SYNE2: variants seen among roughly 807,000 people sequenced by gnomAD.
SYNE2 encodes spectrin repeat containing nuclear envelope protein 2, also known as nesprin-2.
In SYNE2, 431 loss-of-function variants were observed where a neutral mutation model predicts 856.3. That is an observed-to-expected ratio of 0.50 (90% CI 0.47 to 0.55). SYNE2 has a LOEUF of 0.55. Ranked by LOEUF, SYNE2 falls within the 20% of genes least tolerant of loss-of-function variation. The pLI is 0.00. For synonymous variants in SYNE2, 2,923 were observed against 2,872.3 expected, an observed-to-expected ratio of 1.02 and a Z score of -0.56; for missense variants, 8,129 against 8,023.2, an observed-to-expected ratio of 1.01 and a Z score of -0.50.
rs971473774 is a variant in SYNE2 at position 64,186,558 on chromosome 14, A to G, written c.17691A>G (p.Gln5897=). 7.4e-6 allele frequency: 12 copies of G among 1,614,190 alleles called. No homozygotes were observed. The highest frequency in any genetic ancestry group is 3.3e-5 in the Admixed American group (2 of 60,028). ...AGCAAATAGAGCATTTGCACAGACAATGGGAGGACCTCTGCTTAAGGGTAA... is the reference window on the plus strand; with the variant it reads ...AGCAAATAGAGCATTTGCACAGACAGTGGGAGGACCTCTGCTTAAGGGTAA... The part of the protein sequence containing the change: ...LKEQIEHLHR[Q]WEDLCLRVAI... The change falls in exon 97 of 116, where the codon CAA becomes CAG. Residue 5897 remains glutamine, a synonymous_variant. Coordinates refer to ENST00000555002, the MANE Select transcript of SYNE2 (RefSeq NM_182914.3).
intron 48 of SYNE2, among the ~76,000 whole-genome samples, chr14:64,054,663 T>G (rs1409934548): frequency 6.6e-6 from 1 of 152,190 alleles, no homozygotes; most frequent in Non-Finnish European, 1.5e-5. Context: ...GTTGAGTAAG[T>G]TGTGATTATT....
In SYNE2 at chr14:63,987,390, A is replaced by C. The variant is rs542553922; in HGVS notation, c.2313+773A>C. ...CTCCATTCTGTCTTTATTCTCAGGC[A>C]GTCAACTCATTGAAAGGCAGTGAGG... On this transcript the variant is annotated intron_variant, in intron 19 of 115. Coordinates refer to ENST00000555002, the MANE Select transcript of SYNE2 (RefSeq NM_182914.3). Among the ~76,000 whole-genome samples the C allele has an allele frequency of 4.6e-5, 7 of 152,342 alleles. No individual in the cohort carries two copies. In the South Asian group the frequency reaches 1.2e-3, roughly 27 times the overall value.
intron 11 of SYNE2, among the ~76,000 whole-genome samples, chr14:63,974,884 G>A (rs1394273082): frequency 0.046 from 1,190 of 26,144 alleles, 9 homozygotes; most frequent in Middle Eastern, 0.11. Context: ...GTGTGTGTGT[G>A]TGTGTGTGTA....
intron 1 of SYNE2, among the ~76,000 whole-genome samples, chr14:63,776,263 C>T (rs754252039): frequency 5.9e-5 from 9 of 152,316 alleles, no homozygotes; most frequent in Non-Finnish European, 8.8e-5. Context: ...CTAGAAGGTT[C>T]ACACAATTAT....
rs1385864221 is a variant in SYNE2 at position 63,909,953 on chromosome 14, T to G, written c.79+726T>G. Reference sequence around the variant, plus strand: ...TGAATCATGTGTGCATGTATATAAGTGCTGTCATTTTTTTAAAAGTGCTTC... The same window carrying G: ...TGAATCATGTGTGCATGTATATAAGGGCTGTCATTTTTTTAAAAGTGCTTC... On this transcript the variant is annotated intron_variant, in intron 2 of 115. Transcript: ENST00000555002. Among the ~76,000 whole-genome samples the G allele has an allele frequency of 3.3e-5, 5 of 152,238 alleles. No homozygotes were observed. The East Asian group carries it at 7.7e-4, about 23-fold the overall frequency.
chr14:64,097,913 A>G, intron 61 of SYNE2, 36 bp from the exon 62 acceptor site: 1 of 1,611,826 alleles, frequency 6.2e-7, no homozygotes, highest in South Asian at 1.1e-5. Flanking sequence ...GAGGCCTCAG[A>G]CTTCTCAAAC....
At chr14:63,787,727 C>T (rs974846552) in intron 1 of SYNE2, among the ~76,000 whole-genome samples, 15 of 152,250 alleles carry the variant, frequency 9.9e-5, no homozygotes, top group African/African-American at 3.1e-4. Context: ...TTATGGACCT[C>T]GGAGAGGACA....
chr14:64,043,246 G>A (rs2097161712), intron 45 of SYNE2, among the ~76,000 whole-genome samples: 1 of 152,198 alleles, frequency 6.6e-6, no homozygotes, highest in South Asian at 2.1e-4. Context: ...AAGCATTCAA[G>A]AGGTGACTTG....
intron 9 of SYNE2, among the ~76,000 whole-genome samples, chr14:63,963,435 C>G (rs1490947287): frequency 6.6e-6 from 1 of 152,198 alleles, no homozygotes; most frequent in Non-Finnish European, 1.5e-5. Flanking sequence ...AAGCAAGAAT[C>G]TACGGAAAAA....
At chr14:63,813,577 G>A (rs890005060) in intron 1 of SYNE2, among the ~76,000 whole-genome samples, 5 of 152,146 alleles carry the variant, frequency 3.3e-5, no homozygotes, top group South Asian at 2.1e-4. Context: ...GGTGGATCAC[G>A]AGGTCAGGAG....
intron 1 of SYNE2, among the ~76,000 whole-genome samples, chr14:63,846,588 T>G (rs113389553): frequency 1.6e-5 from 2 of 126,562 alleles, no homozygotes; most frequent in Admixed American, 1.6e-4. Flanking sequence ...TTTTTTCTGT[T>G]TTTTGTTTGT....
At chr14:63,801,278 G>A (rs1471483733) in intron 1 of SYNE2, among the ~76,000 whole-genome samples, 2 of 152,156 alleles carry the variant, frequency 1.3e-5, no homozygotes, top group Admixed American at 6.5e-5. Context: ...TACTGCTTGG[G>A]TGATGGGTGC....
At position 63,993,019 on chromosome 14, in the gene SYNE2, C is replaced by G. The variant is rs138894049; in HGVS notation, c.2647-816C>G. On this transcript the variant is annotated intron_variant, in intron 21 of 115. Transcript: ENST00000555002. ...CGACCTGTTTTTTTGTTCTGTCATT[C>G]GCTAGTTACCTAGGCCAGGTTTCTG... 1.7e-3 allele frequency among the ~76,000 whole-genome samples: 260 copies of G among 152,218 alleles called. 1 individual carries two copies. Among genetic ancestry groups the G allele is most frequent in the African/African-American group, 5.8e-3 (239 of 41,534 alleles).
In SYNE2 at chr14:64,138,534, A is replaced by G. The variant is rs190765615; in HGVS notation, c.14843+551A>G. Among the ~76,000 whole-genome samples the G allele has an allele frequency of 9.6e-4, 146 of 152,256 alleles. 1 individual carries two copies. The highest frequency in any genetic ancestry group is 1.9e-4 in the East Asian group (1 of 5,190). On this transcript the variant is annotated intron_variant, in intron 79 of 115. Coordinates refer to ENST00000555002, the MANE Select transcript of SYNE2 (RefSeq NM_182914.3). ...CAGGTGTAAGCCACTGCACCCAGCT[A>G]GTTTACACATTTCTATAGAAGCTAG... is the stretch of plus-strand genomic sequence containing the variant.
At chr14:63,767,449 T>C (rs1295836030) in intron 1 of SYNE2, among the ~76,000 whole-genome samples, 1 of 152,160 alleles carries the variant, frequency 6.6e-6, no homozygotes, top group Non-Finnish European at 1.5e-5. Context: ...TTTTTAAAAT[T>C]GTGCATGTAT....
chr14:63,935,829 C>G (rs11624124), intron 2 of SYNE2, among the ~76,000 whole-genome samples: 73,803 of 151,884 alleles, frequency 0.49, 18,932 homozygotes, highest in Non-Finnish European at 0.56. Flanking sequence ...GCCTGGGCAA[C>G]GTAGTCAGAC....
chr14:64,152,956 T>C (rs1252417067), intron 85 of SYNE2, among the ~76,000 whole-genome samples: 1 of 152,228 alleles, frequency 6.6e-6, no homozygotes, highest in Non-Finnish European at 1.5e-5. Flanking sequence ...TGGTTATCTT[T>C]GTTTTGTCTA....
In SYNE2 at chr14:64,210,106, C is replaced by T. The variant is rs760760956; in HGVS notation, c.18705C>T (p.Ala6235=). The change falls in exon 103 of 116, where the codon GCC becomes GCT. Residue 6235 remains alanine, a synonymous_variant. Transcript: ENST00000555002. ...RWDNLQRRVT[A]VLRRLRHFTN... is the part of the protein sequence containing the mutation. ...ACAACCTTCAGAGGCGGGTCACAGC[C>T]GTCCTGCGGAGACTCAGGGTGAGCT... is the stretch of plus-strand genomic sequence containing the variant. 7.4e-6 allele frequency: 12 copies of T among 1,613,506 alleles called. No individual in the cohort carries two copies. The highest frequency in any genetic ancestry group is 5.3e-5 in the African/African-American group (4 of 74,890).
At chr14:63,776,970 T>A (rs905541969) in intron 1 of SYNE2, among the ~76,000 whole-genome samples, 2 of 152,220 alleles carry the variant, frequency 1.3e-5, no homozygotes, top group Non-Finnish European at 2.9e-5. Flanking sequence ...GCAAACAAAC[T>A]AAAATACATT....
Sources: allele counts gnomAD v4.1 joint callset (sites outside exome capture counted in the v4.1 genomes callset), GRCh38; gene constraint gnomAD v4.1.1; transcripts MANE v1.5; gene names NCBI Gene and HGNC (gene_info 2026-07-23, HGNC 2026-07-21).